Variants in RFT1 observed in about 807,000 individuals in gnomAD.
The protein encoded by RFT1 is RFT1 glycolipid translocator homolog.
A neutral mutation model predicts 62.2 loss-of-function variants in RFT1; 43 were observed. The ratio of observed to expected loss-of-function variants is 0.69; its 90% CI spans 0.54 to 0.89. The LOEUF is 0.89. Among genes scored for constraint, RFT1 ranks in the 40% least tolerant of loss-of-function variants. RFT1 has a pLI of 0.00. For synonymous variants in RFT1, 262 were observed against 264.6 expected (o/e 0.99, Z 0.10); for missense variants, 605 against 649.9 (o/e 0.93, Z 0.75).
At chr3:53,092,218 C>T (rs1701010873) in intron 12 of RFT1, 148 bp from the exon 13 acceptor site, 1 of 1,406,728 alleles carries the variant, frequency 7.1e-7, no homozygotes, top group Non-Finnish European at 9.8e-7. Context: ...TCCCCATTGG[C>T]AACATTCTCT....
intron 11 of RFT1, among the ~76,000 whole-genome samples, chr3:53,094,290 G>A (rs1432123505): frequency 6.6e-6 from 1 of 151,960 alleles, no homozygotes; most frequent in African/African-American, 2.4e-5. Flanking sequence ...GCTGATTCAG[G>A]CCAAGGTGCT....
the RFT1 span, among the ~76,000 whole-genome samples, chr3:53,077,349 G>A: frequency 6.6e-6 from 1 of 152,160 alleles, no homozygotes; most frequent in Admixed American, 6.5e-5. Context: ...TCCACCCTTG[G>A]ACCAGGCAGC....
the RFT1 span, among the ~76,000 whole-genome samples, chr3:53,074,412 G>A: frequency 6.6e-6 from 1 of 152,172 alleles, no homozygotes; most frequent in Admixed American, 6.5e-5. Flanking sequence ...AGAGATGGAT[G>A]TGCCAGGCTT....
At chr3:53,072,048 A>AAC in the RFT1 span, among the ~76,000 whole-genome samples, 1 of 152,188 alleles carries the variant, frequency 6.6e-6, no homozygotes, top group Non-Finnish European at 1.5e-5. Context: ...GGCCCAGGGG[A>AAC]ACACGTGTCC....
At chr3:53,087,731 G>C (rs1700885781), downstream of RFT1, among the ~76,000 whole-genome samples, 1 of 152,108 alleles carries the variant, frequency 6.6e-6, no homozygotes, top group Non-Finnish European at 1.5e-5. Flanking sequence ...GTGTTGCCCA[G>C]GTTGGTCTCA....
chr3:53,115,123 C>T (rs989230756), intron 6 of RFT1, among the ~76,000 whole-genome samples: 2 of 152,160 alleles, frequency 1.3e-5, no homozygotes, highest in African/African-American at 4.8e-5. Flanking sequence ...CACAGGCTCC[C>T]AATGAGCTTT....
chr3:53,092,770 G>C, intron 11 of RFT1, 152 bp from the exon 12 acceptor site: 1 of 878,614 alleles, frequency 1.1e-6, no homozygotes, highest in Non-Finnish European at 1.8e-6. Flanking sequence ...GGAGACCATG[G>C]GAATGTCCCT....
chr3:53,104,156 T>C, intron 9 of RFT1, 59 bp from the exon 10 acceptor site: 1 of 1,566,068 alleles, frequency 6.4e-7, no homozygotes, highest in Non-Finnish European at 8.8e-7. Flanking sequence ...AAAACCTTCA[T>C]CCTTCACGTC....
chr3:53,124,149 GAGA>G (rs1451230172), intron 2 of RFT1, among the ~76,000 whole-genome samples: 3 of 152,204 alleles, frequency 2.0e-5, no homozygotes, highest in African/African-American at 2.4e-5. Flanking sequence ...CCATAAGGAG[GAGA>G]AGAAGATAAG....
At chr3:53,073,725 G>A in the RFT1 span, among the ~76,000 whole-genome samples, 33 of 152,200 alleles carry the variant, frequency 2.2e-4, no homozygotes, top group Non-Finnish European at 4.3e-4. Flanking sequence ...GGGGTAAGAG[G>A]TGGCCGGTGA....
rs566342440 is a variant in RFT1 at position 53,117,439 on chromosome 3, G to A, written c.696+2445C>T. Among the ~76,000 whole-genome samples the A allele has an allele frequency of 3.9e-5, 6 of 152,280 alleles. No homozygotes were observed. In the South Asian group the frequency reaches 1.0e-3, roughly 26 times the overall value. On this transcript the variant is annotated intron_variant, in intron 6 of 12. Transcript: ENST00000296292. Reference sequence around the variant, plus strand: ...CTCAAGCCCACAGGAACCTCCCTGAGGCCCAGGAATCACCTCTCCTACATG... The same window carrying A: ...CTCAAGCCCACAGGAACCTCCCTGAAGCCCAGGAATCACCTCTCCTACATG...
chr3:53,130,389 C>A lies in RFT1; in HGVS notation c.12G>T (p.Gln4His). 6.4e-7 allele frequency: 1 copy of A among 1,556,662 alleles called. No individual in the cohort carries two copies. The highest frequency in any genetic ancestry group is 2.4e-5 in the East Asian group (1 of 41,432). ...GCCGGGCCGCGTGGCCCAGCACCTCCTGGCTGCCCATAGCCTCCGCGCCAG... is the reference window on the plus strand; with the variant it reads ...GCCGGGCCGCGTGGCCCAGCACCTCATGGCTGCCCATAGCCTCCGCGCCAG... MGS[Q>H]EVLGHAARLA... is the part of the protein sequence containing the mutation. The change falls in exon 1 of 13, where the codon CAG (glutamine) becomes CAT (histidine). Residue 4 changes from glutamine to histidine, a missense_variant. Physicochemically the swap from Gln to His is conservative, Grantham distance 24 (BLOSUM62 0). Coordinates refer to ENST00000296292, the MANE Select transcript of RFT1 (RefSeq NM_052859.4).
chr3:53,121,301 C>CA (rs1268347027), intron 5 of RFT1, among the ~76,000 whole-genome samples: 4 of 151,642 alleles, frequency 2.6e-5, no homozygotes, highest in Non-Finnish European at 5.9e-5. Context: ...ACCTATTCTG[C>CA]AAAAAAAAGA....
At chr3:53,087,526 ATTT>A (rs138507991), downstream of RFT1, among the ~76,000 whole-genome samples, 1 of 147,442 alleles carries the variant, frequency 6.8e-6, no homozygotes, top group Admixed American at 6.8e-5. Flanking sequence ...TCAGGAAATA[ATTT>A]TTTTTTTTTT....
chr3:53,081,062 C>T, the RFT1 span, among the ~76,000 whole-genome samples: 1 of 152,220 alleles, frequency 6.6e-6, no homozygotes, highest in East Asian at 1.9e-4. Flanking sequence ...CTGACACAGG[C>T]GAGTGCCTCC....
chr3:53,080,116 G>A, the RFT1 span, among the ~76,000 whole-genome samples: 1 of 152,204 alleles, frequency 6.6e-6, no homozygotes, highest in African/African-American at 2.4e-5. Flanking sequence ...CTTTCCTGAC[G>A]CCAGGGCCCC....
At chr3:53,115,600 C>T (rs1701770001) in intron 6 of RFT1, among the ~76,000 whole-genome samples, 1 of 152,222 alleles carries the variant, frequency 6.6e-6, no homozygotes, top group African/African-American at 2.4e-5. Context: ...CCCCAGTCAT[C>T]TCTACATTCC....
downstream of RFT1, among the ~76,000 whole-genome samples, chr3:53,087,919 G>A (rs886433786): frequency 1.3e-5 from 2 of 152,340 alleles, no homozygotes; most frequent in South Asian, 2.1e-4. Context: ...ATGAGTCACC[G>A]AGTTCTCTGC....
chr3:53,093,244 C>T (rs569580622), intron 11 of RFT1, among the ~76,000 whole-genome samples: 1 of 152,306 alleles, frequency 6.6e-6, no homozygotes, highest in South Asian at 2.1e-4. Context: ...GAAACCAAAG[C>T]CTGGATCACC....
Sources: gnomAD v4.1 joint callset for allele counts (sites outside exome capture counted in the v4.1 genomes callset) on GRCh38, gnomAD v4.1.1 for gene constraint, MANE v1.5 for transcripts, NCBI Gene and HGNC (gene_info 2026-07-23, HGNC 2026-07-21) for gene names.